NIPAL2: variants seen among roughly 807,000 people sequenced by gnomAD.
NIPAL2 encodes NIPA-like protein 2.
NIPAL2 carries 43 observed loss-of-function variants against 48.9 expected under a neutral mutation model. That is an observed-to-expected ratio of 0.88 (90% CI 0.69 to 1.13). NIPAL2 has a LOEUF of 1.13. NIPAL2 is among the 50% of genes most tolerant of loss of function. The pLI, the probability that NIPAL2 is intolerant of heterozygous loss-of-function variation, is 0.00. For synonymous variants in NIPAL2, 167 were observed against 174.6 expected, an observed-to-expected ratio of 0.96 and a Z score of 0.34; for missense variants, 446 against 461.4, an observed-to-expected ratio of 0.97 and a Z score of 0.31.
intron 1 of NIPAL2, among the ~76,000 whole-genome samples, chr8:98,292,138 A>C (rs1816519286): frequency 2.0e-5 from 3 of 152,264 alleles, no homozygotes; most frequent in Admixed American, 2.0e-4. Flanking sequence ...CTAGTTAGCA[A>C]CCAACATTCA....
At position 98,222,574 on chromosome 8, in the gene NIPAL2, A is replaced by G. The variant is rs947007013; in HGVS notation, c.463T>C (p.Tyr155His). 5.6e-6 allele frequency: 9 copies of G among 1,613,944 alleles called. No homozygotes were observed. In the African/African-American group the frequency reaches 9.3e-5, roughly 17 times the overall value. ...TTTGGAGCAAAGTTCACCAGTAAAT[A>G]TGTTCCTGCAAATGCCAGTGTCGTA... Reference protein sequence around the residue: ...LGTTLAFAGTYLLVNFAPNIT... With the variant: ...LGTTLAFAGTHLLVNFAPNIT... The change falls in exon 5 of 11, where the codon TAT becomes CAT. Residue 155 changes from tyrosine to histidine, a missense_variant. Physicochemically the swap from Tyr to His is moderately conservative, Grantham distance 83 (BLOSUM62 2). Coordinates refer to ENST00000430223, the MANE Select transcript of NIPAL2 (RefSeq NM_001321635.2).
intron 3 of NIPAL2, among the ~76,000 whole-genome samples, chr8:98,244,147 T>C (rs748554601): frequency 1.4e-4 from 21 of 149,614 alleles, no homozygotes; most frequent in Non-Finnish European, 2.4e-4. Flanking sequence ...AACGTTTGGT[T>C]GACAGGTTAC....
chr8:98,206,776 CAAAAAAAA>C (rs11290720), intron 6 of NIPAL2, among the ~76,000 whole-genome samples: 4 of 99,572 alleles, frequency 4.0e-5, no homozygotes, highest in Non-Finnish European at 8.5e-5. Flanking sequence ...GACTCTGTCT[CAAAAAAAA>C]AAAAAAAAGG....
chr8:98,244,351 G>C (rs1813162462), intron 3 of NIPAL2, among the ~76,000 whole-genome samples: 1 of 71,012 alleles, frequency 1.4e-5, no homozygotes, highest in African/African-American at 5.5e-5. Flanking sequence ...TGAGAGGGTG[G>C]GCGTGGTGAT....
chr8:98,239,909 C>G (rs903371618), intron 3 of NIPAL2, among the ~76,000 whole-genome samples: 1 of 152,092 alleles, frequency 6.6e-6, no homozygotes, highest in African/African-American at 2.4e-5. Flanking sequence ...AGAAAAACAT[C>G]AACTGAAGTA....
chr8:98,203,178 C>T lies in NIPAL2; in HGVS notation c.810G>A (p.Thr270=), dbSNP rs145491844. 1,174 of 1,614,050 alleles carry T rather than the reference C, an allele frequency of 7.3e-4. 1 individual carries two copies. The highest frequency in any genetic ancestry group is 7.0e-4 in the Non-Finnish European group (830 of 1,179,928). ...CCACTGTTGTCGTATTGTAGAGTTT[C>T]GTGGCTTGATTCAGGAACCTAGGGC... ...VFQVKFLNQA[T]KLYNTTTVVP... The change falls in exon 8 of 11, where the codon ACG becomes ACA. Residue 270 remains threonine, a synonymous_variant. Coordinates refer to ENST00000430223, the MANE Select transcript of NIPAL2 (RefSeq NM_001321635.2).
In NIPAL2 at chr8:98,193,052, T is replaced by G; in HGVS notation, c.1078A>C (p.Ser360Arg). The G allele has an allele frequency of 6.2e-7, 1 of 1,614,102 alleles. No individual in the cohort carries two copies. The highest frequency in any genetic ancestry group is 8.5e-7 in the Non-Finnish European group (1 of 1,179,970). Residue 360 changes from serine (S) to arginine (R), a missense_variant, in exon 11 of 11, where the codon AGC becomes CGC. Transcript: ENST00000430223. ...TCAGGCAAAGTTCCATAGGATAAGC[T>G]ATGTGAATCTGGTTGTATTTTGTCC... ...MLDKIQPDSH[S>R]LSYGTLPDGS...
intron 3 of NIPAL2, among the ~76,000 whole-genome samples, chr8:98,240,447 C>T (rs1057278918): frequency 1.3e-5 from 2 of 152,182 alleles, no homozygotes; most frequent in African/African-American, 4.8e-5. Flanking sequence ...AACTCACTGC[C>T]CATAGTCAGT....
At chr8:98,256,348 A>G (rs1050058678) in intron 1 of NIPAL2, among the ~76,000 whole-genome samples, 6 of 152,190 alleles carry the variant, frequency 3.9e-5, no homozygotes, top group Non-Finnish European at 8.8e-5. Context: ...TTGCATCAAC[A>G]CACACTATCA....
At chr8:98,206,304 A>ATG (rs750016661) in intron 6 of NIPAL2, among the ~76,000 whole-genome samples, 10,253 of 150,118 alleles carry the variant, frequency 0.068, 383 homozygotes, top group Middle Eastern at 0.11. Flanking sequence ...TATTTTATGT[A>ATG]TGTGTGTGTG....
chr8:98,276,363 C>A (rs958221838), intron 1 of NIPAL2, among the ~76,000 whole-genome samples: 14 of 152,130 alleles, frequency 9.2e-5, no homozygotes, highest in African/African-American at 3.1e-4. Context: ...TTTTCAGATT[C>A]ACTTTTTTTG....
rs1481074559 is a variant in NIPAL2 at position 98,193,036 on chromosome 8, G to A, written c.1094C>T (p.Thr365Ile). ...TGTTGAGTCACTTCCATCAGGCAAA[G>A]TTCCATAGGATAAGCTATGTGAATC... ...QPDSHSLSYG[T>I]LPDGSDSTKS... Residue 365 changes from threonine (T) to isoleucine (I), a missense_variant, in exon 11 of 11, where the codon ACT becomes ATT. Transcript: ENST00000430223. 3 of 1,614,120 alleles carry A rather than the reference G, an allele frequency of 1.9e-6. No homozygotes were observed. Among genetic ancestry groups the A allele is most frequent in the Non-Finnish European group, 2.5e-6 (3 of 1,180,004 alleles).
chr8:98,277,784 G>A (rs775792480), intron 1 of NIPAL2, among the ~76,000 whole-genome samples: 1 of 152,108 alleles, frequency 6.6e-6, no homozygotes, highest in Non-Finnish European at 1.5e-5. Context: ...GTACCAGTAT[G>A]TATCACCTCT....
chr8:98,225,633 T>C (rs1010421436), intron 4 of NIPAL2, among the ~76,000 whole-genome samples: 1 of 150,004 alleles, frequency 6.7e-6, no homozygotes, highest in Non-Finnish European at 1.5e-5. Flanking sequence ...TCTTTCTTTA[T>C]CCTTGACCTT....
chr8:98,199,158 G>A (rs1015846240), intron 8 of NIPAL2, among the ~76,000 whole-genome samples: 1 of 151,934 alleles, frequency 6.6e-6, no homozygotes, highest in African/African-American at 2.4e-5. Flanking sequence ...GTTTCTCTGT[G>A]TTGGTCAGGC....
At chr8:98,203,280 C>A in intron 7 of NIPAL2, 84 bp from the exon 8 acceptor site, 1 of 971,402 alleles carries the variant, frequency 1.0e-6, no homozygotes, top group Non-Finnish European at 1.7e-6. Context: ...AACACGTGTT[C>A]TTTAGCTACA....
chr8:98,197,296 T>C (rs1810595491), intron 8 of NIPAL2, among the ~76,000 whole-genome samples: 1 of 152,174 alleles, frequency 6.6e-6, no homozygotes, highest in Admixed American at 6.5e-5. Context: ...GCATTATGTC[T>C]AAAAAAAGTA....
At chr8:98,222,796 G>A (rs1013127792) in intron 4 of NIPAL2, among the ~76,000 whole-genome samples, 196 bp from the exon 5 acceptor site, 2 of 152,198 alleles carry the variant, frequency 1.3e-5, no homozygotes, top group East Asian at 1.9e-4. Flanking sequence ...GAATAGAGCC[G>A]GGGGATGGAT....
At chr8:98,204,866 G>A (rs549098607) in intron 7 of NIPAL2, among the ~76,000 whole-genome samples, 2 of 152,066 alleles carry the variant, frequency 1.3e-5, no homozygotes, top group East Asian at 3.9e-4. Context: ...AAGTATCAAA[G>A]TGCACTTAGC....
Sources: gnomAD v4.1 joint callset for allele counts (sites outside exome capture counted in the v4.1 genomes callset) on GRCh38, gnomAD v4.1.1 for gene constraint, MANE v1.5 for transcripts, NCBI Gene and HGNC (gene_info 2026-07-23, HGNC 2026-07-21) for gene names.